Variants in PABPC1L observed in about 807,000 individuals in gnomAD.
The protein encoded by PABPC1L is polyadenylate-binding protein 1-like.
Under a neutral mutation model 66.6 loss-of-function variants are expected in PABPC1L, and 31 were observed. The ratio of observed to expected loss-of-function variants is 0.47; its 90% CI spans 0.35 to 0.63. The LOEUF is 0.63. PABPC1L is among the 20% of genes least tolerant of loss of function. The probability of loss-of-function intolerance (pLI) is 0.00; values close to 1 mark genes in which losing one functional copy is unlikely to be tolerated. For missense variants in PABPC1L, 722 were observed against 848.8 expected (o/e 0.85, Z 1.86); for synonymous variants, 348 against 335.1 (o/e 1.04, Z -0.42).
At chr20:44,925,210 CAAAAAAAA>C (rs34623911) in intron 7 of PABPC1L, among the ~76,000 whole-genome samples, 124 of 75,490 alleles carry the variant, frequency 1.6e-3, no homozygotes, top group African/African-American at 5.7e-3. Context: ...GACTCTGTCT[CAAAAAAAA>C]AAAAAAAAAA....
At chr20:44,913,091 A>G (rs1160357372) in intron 2 of PABPC1L, among the ~76,000 whole-genome samples, 1 of 152,226 alleles carries the variant, frequency 6.6e-6, no homozygotes, top group Non-Finnish European at 1.5e-5. Context: ...GTGGCCGTCA[A>G]CAACAATCAT....
intron 9 of PABPC1L, 49 bp from the exon 10 acceptor site, chr20:44,933,008 C>T (rs1329506706): frequency 1.5e-5 from 20 of 1,321,176 alleles, no homozygotes; most frequent in Non-Finnish European, 2.0e-5. Context: ...CCTGATTATT[C>T]CCACCACTCC....
In PABPC1L at chr20:44,924,214, G is replaced by A. The variant is rs1568646386; in HGVS notation, c.930G>A (p.Leu310=). 1 of 1,614,076 alleles carries A rather than the reference G, an allele frequency of 6.2e-7. No homozygotes were observed. Among genetic ancestry groups the A allele is most frequent in the Non-Finnish European group, 8.5e-7 (1 of 1,179,954 alleles). ...NLDDSIDDDK[L]RKEFSPYGVI... ...ACGACTCCATTGATGACGACAAACT[G>A]AGGAAAGAGTTCTCTCCCTATGGAG... Residue 310 remains leucine, a synonymous_variant, in exon 7 of 15, where the codon CTG becomes CTA. Transcript: ENST00000217073.
chr20:44,932,788 A>G, intron 9 of PABPC1L: 1 of 512,304 alleles, frequency 2.0e-6, no homozygotes, highest in Non-Finnish European at 3.5e-6. Flanking sequence ...ACTTGAAACT[A>G]TCTTGAGGGA....
chr20:44,912,732 G>A lies in PABPC1L; in HGVS notation c.266G>A (p.Arg89Gln). The change falls in exon 2 of 15, where the codon CGA (arginine) becomes CAA (glutamine). Residue 89 changes from arginine to glutamine, a missense_variant. By Grantham distance (43) the Arg-to-Gln change is conservative. Around this residue, in one of 3 missense-constraint regions of PABPC1L, gnomAD observed 284 missense variants for 294.8 expected, o/e 0.96. Coordinates refer to ENST00000217073, the MANE Select transcript of PABPC1L (RefSeq NM_001372179.1). ...CCTATTCGCATCATGTGGTCCCAGC[G>A]AGACCCAGGACTTCGCAAGTCAGGT... ...GQPIRIMWSQ[R>Q]DPGLRKSGVG... The A allele has an allele frequency of 3.7e-6, 6 of 1,614,116 alleles. No homozygotes were observed. The highest frequency in any genetic ancestry group is 1.3e-5 in the African/African-American group (1 of 75,024).
rs529783703 is a variant in PABPC1L, at chr20:44,921,644, G to C, written c.789G>C (p.Ala263=). ...AGGTGAGCGGGCGGCTGCTGTACGC[G>C]GGCCGGGCCCAAAAGCGCGTGGAGC... is the stretch of plus-strand genomic sequence containing the variant. The part of the protein sequence containing the change: ...GKEVSGRLLY[A]GRAQKRVERQ... Residue 263 remains alanine, a synonymous_variant, in exon 6 of 15, where the codon GCG becomes GCC. Transcript: ENST00000217073. 3.1e-6 allele frequency: 5 copies of C among 1,613,918 alleles called. No individual in the cohort carries two copies. The highest frequency in any genetic ancestry group is 3.4e-6 in the Non-Finnish European group (4 of 1,180,002).
intron 2 of PABPC1L, 103 bp from the exon 3 acceptor site, chr20:44,916,653 A>G (rs758337256): frequency 1.9e-6 from 2 of 1,076,144 alleles, no homozygotes; most frequent in Non-Finnish European, 2.9e-6. Context: ...TGCCTTTTCC[A>G]GGCACAGCAG....
chr20:44,912,551 A>G, intron 1 of PABPC1L, 109 bp from the exon 2 acceptor site: 1 of 942,652 alleles, frequency 1.1e-6, no homozygotes, highest in Non-Finnish European at 1.6e-6. Context: ...TGGGACCCAG[A>G]CAATGACTTT....
chr20:44,932,442 C>T lies in PABPC1L; in HGVS notation c.1330+10C>T, dbSNP rs1402780468. The T allele has an allele frequency of 6.2e-7, 1 of 1,604,000 alleles. No individual in the cohort carries two copies. The highest frequency in any genetic ancestry group is 8.5e-7 in the Non-Finnish European group (1 of 1,172,712). The stretch of plus-strand genomic sequence containing the variant: ...CCACCTAGACCTTCCTGTGAGTGAC[C>T]CAGCCCCTTCCACTCTCAGACTGGC... On this transcript the variant is annotated intron_variant, in intron 9 of 14. Coordinates refer to ENST00000217073, the MANE Select transcript of PABPC1L (RefSeq NM_001372179.1).
chr20:44,928,582 C>A (rs1024731247), intron 7 of PABPC1L, among the ~76,000 whole-genome samples: 1 of 152,076 alleles, frequency 6.6e-6, no homozygotes, highest in Non-Finnish European at 1.5e-5. Context: ...TCCATGGACT[C>A]TCAGGTTAAG....
At chr20:44,912,374 T>G (rs2145552502) in intron 1 of PABPC1L, among the ~76,000 whole-genome samples, 1 of 152,286 alleles carries the variant, frequency 6.6e-6, no homozygotes, top group South Asian at 2.1e-4. Flanking sequence ...TTCCCATCTG[T>G]AAAATGAGGG....
At chr20:44,925,558 G>A (rs1304716955) in intron 7 of PABPC1L, among the ~76,000 whole-genome samples, 2 of 152,214 alleles carry the variant, frequency 1.3e-5, no homozygotes, top group Admixed American at 6.5e-5. Context: ...AGAGATCAGT[G>A]TGAGTGACAG....
rs1355462669 is a variant in PABPC1L, at chr20:44,938,044, G to A, written c.1661-17G>A. On this transcript the variant is annotated splice_polypyrimidine_tract_variant and intron_variant, in intron 12 of 14. Coordinates refer to ENST00000217073, the MANE Select transcript of PABPC1L (RefSeq NM_001372179.1). ...GAGCTAGGCCGTGCACAAGCCATTA[G>A]AAGGTGTTCCACACAGGGGAGCGTC... 1.3e-5 allele frequency: 21 copies of A among 1,613,954 alleles called. 1 individual carries two copies. The highest frequency in any genetic ancestry group is 1.8e-5 in the Non-Finnish European group (21 of 1,179,992).
chr20:44,921,467 G>A, intron 5 of PABPC1L, 127 bp from the exon 6 acceptor site: 1 of 1,356,402 alleles, frequency 7.4e-7, no homozygotes, highest in East Asian at 2.3e-5. Flanking sequence ...CTTTGTCCTG[G>A]TACTGATTAT....
rs979341347 is a variant in PABPC1L at position 44,933,312 on chromosome 20, C to T, written c.1459+127C>T. ...GCAAAGCTGACTTTGGAGACTGTAG[C>T]GTGGTAGTTAGCTTGGCCTCCAGTT... On this transcript the variant is annotated intron_variant, in intron 10 of 14. Transcript: ENST00000217073. 1.1e-4 allele frequency: 85 copies of T among 759,610 alleles called. No individual in the cohort carries two copies. In the African/African-American group the frequency reaches 1.3e-3, roughly 11 times the overall value. 47.1% of individuals were successfully genotyped at this position (759,610 alleles called of 1,614,324 possible).
At chr20:44,921,252 G>A (rs887087714) in intron 5 of PABPC1L, among the ~76,000 whole-genome samples, 14 of 150,936 alleles carry the variant, frequency 9.3e-5, no homozygotes, top group African/African-American at 3.4e-4. Flanking sequence ...CAGGTTCAAC[G>A]ATTCTCCTGC....
chr20:44,939,231 A>G lies in PABPC1L; in HGVS notation c.*112A>G, dbSNP rs1184864373. ...TATTTCCCAATTAGTCTGTATCTAT[A>G]CTTGGGCTCTGTATGTGAATGAAGG... On this transcript the variant is annotated 3_prime_UTR_variant, in exon 15 of 15. Transcript: ENST00000217073. The G allele has an allele frequency of 1.4e-6, 1 of 717,674 alleles. No individual in the cohort carries two copies. The highest frequency in any genetic ancestry group is 2.6e-6 in the Non-Finnish European group (1 of 385,106). The allele number at this position is 717,674 out of a possible 1,614,324, so 44.5% of individuals were successfully genotyped here.
chr20:44,935,315 GT>G, intron 10 of PABPC1L, 75 bp from the exon 11 acceptor site: 1 of 1,029,646 alleles, frequency 9.7e-7, no homozygotes, highest in Non-Finnish European at 1.5e-6. Context: ...TTTTGGTGTT[GT>G]TTTGTTTTGT....
In PABPC1L at chr20:44,934,808, G is replaced by A. The variant is rs543533731; in HGVS notation, c.1460-583G>A. On this transcript the variant is annotated intron_variant, in intron 10 of 14. Coordinates refer to ENST00000217073, the MANE Select transcript of PABPC1L (RefSeq NM_001372179.1). ...GTGCAGGCTGGGCGTGATGGCTTAC[G>A]CCTGTAATCCCAGCACTTTGGGAGG... Among the ~76,000 whole-genome samples, 63 of 152,318 alleles carry A rather than the reference G, an allele frequency of 4.1e-4. 1 individual carries two copies. The highest frequency in any genetic ancestry group is 3.6e-3 in the Admixed American group (55 of 15,306).
Sources: allele counts gnomAD v4.1 joint callset (sites outside exome capture counted in the v4.1 genomes callset), GRCh38; gene constraint gnomAD v4.1.1; regional missense constraint gnomAD v4.1.1; transcripts MANE v1.5; gene names NCBI Gene and HGNC (gene_info 2026-07-23, HGNC 2026-07-21).